Variants in NEBL observed in about 807,000 individuals in gnomAD.
The protein encoded by NEBL is nebulette.
Under a neutral mutation model 140.2 loss-of-function variants are expected in NEBL, and 122 were observed. The observed-to-expected ratio is 0.87, with a 90% CI of 0.75 to 1.01. The LOEUF is 1.01. Ranked by LOEUF, NEBL falls within the 50% of genes least tolerant of loss-of-function variation. The pLI is 0.00. For synonymous variants in NEBL, 436 were observed against 398.9 expected (o/e 1.09, Z -1.11); for missense variants, 1,365 against 1,231.3 (o/e 1.11, Z -1.62).
Position 20,785,419 on chromosome 10 carries a change from C to A in NEBL, c.*328G>T, listed in dbSNP as rs1183925127. 5.8e-6 allele frequency: 2 copies of A among 345,198 alleles called. No individual in the cohort carries two copies. Among genetic ancestry groups the A allele is most frequent in the Non-Finnish European group, 5.5e-6 (1 of 181,636 alleles). The allele number at this position is 345,198 out of a possible 1,614,324, so 21.4% of individuals were successfully genotyped here. A position where few individuals can be genotyped will look rare whatever the true frequency, so the allele number is the denominator to read the frequency against. Reference sequence around the variant, plus strand: ...GCTAAGAAGTTTCAAACACACACTACATTTAAGGGACAATCAACTTCTCTA... The same window carrying A: ...GCTAAGAAGTTTCAAACACACACTAAATTTAAGGGACAATCAACTTCTCTA... On this transcript the variant is annotated 3_prime_UTR_variant, in exon 28 of 28. Transcript: ENST00000377122.
At chr10:21,291,863 G>T (rs529213729) in intron 1 of NEBL, among the ~76,000 whole-genome samples, 1 of 150,760 alleles carries the variant, frequency 6.6e-6, no homozygotes, top group Non-Finnish European at 1.5e-5. Context: ...CTGAGATCAC[G>T]CCACTGCACT....
At chr10:21,083,988 CCTGA>C (rs1589218473) in intron 2 of NEBL, among the ~76,000 whole-genome samples, 1 of 152,200 alleles carries the variant, frequency 6.6e-6, no homozygotes, top group Non-Finnish European at 1.5e-5. Flanking sequence ...CCCAGAGAGT[CCTGA>C]CTAATACAAT....
At chr10:21,031,236 C>A (rs186698118) in intron 2 of NEBL, among the ~76,000 whole-genome samples, 1 of 152,126 alleles carries the variant, frequency 6.6e-6, no homozygotes, top group African/African-American at 2.4e-5. Context: ...TGATGATGAA[C>A]CCTATGGGGG....
intron 2 of NEBL, chr10:21,029,207 AT>A: frequency 6.9e-7 from 1 of 1,442,864 alleles, no homozygotes; most frequent in East Asian, 2.3e-5. Context: ...CCAATTGACC[AT>A]TCCATCCTTC....
At chr10:21,227,731 T>TCTTCTTC (rs1842184821) in intron 3 of NEBL, among the ~76,000 whole-genome samples, 5 of 137,364 alleles carry the variant, frequency 3.6e-5, no homozygotes, top group African/African-American at 1.5e-4. Flanking sequence ...TTCTTCTTCT[T>TCTTCTTC]CTTCTTCTTC....
chr10:21,061,240 TATATTACATATTATGTGATATGTAAC>T (rs1280407903), intron 2 of NEBL, among the ~76,000 whole-genome samples: 995 of 72,706 alleles, frequency 0.014, 12 homozygotes, highest in African/African-American at 0.049. Flanking sequence ...TATATTGTGA[TATATTACATATTATGTGATATGTAAC>T]ATATTACATA....
intron 22 of NEBL, among the ~76,000 whole-genome samples, 164 bp from the exon 23 acceptor site, chr10:20,814,207 A>G (rs1471602014): frequency 6.6e-6 from 1 of 152,180 alleles, no homozygotes; most frequent in Admixed American, 6.5e-5. Flanking sequence ...CTAAAATTTT[A>G]CAATCAAAGA....
At chr10:21,051,226 G>A (rs183445910) in intron 2 of NEBL, among the ~76,000 whole-genome samples, 27 of 152,202 alleles carry the variant, frequency 1.8e-4, no homozygotes, top group African/African-American at 4.6e-4. Flanking sequence ...ATTTATATTC[G>A]GAGATCACAT....
At chr10:21,187,452 T>A (rs917543832) in intron 3 of NEBL, among the ~76,000 whole-genome samples, 1 of 152,000 alleles carries the variant, frequency 6.6e-6, no homozygotes, top group African/African-American at 2.4e-5. Flanking sequence ...TAATTTCTTT[T>A]GAGGGCAAAT....
At chr10:21,150,913 A>C (rs1415520788) in intron 2 of NEBL, among the ~76,000 whole-genome samples, 1 of 152,178 alleles carries the variant, frequency 6.6e-6, no homozygotes, top group Non-Finnish European at 1.5e-5. Flanking sequence ...ACTCATTCAC[A>C]CCAAGGTGGT....
At chr10:20,971,400 T>C (rs1048134387) in intron 3 of NEBL, among the ~76,000 whole-genome samples, 8 of 152,176 alleles carry the variant, frequency 5.3e-5, no homozygotes, top group Non-Finnish European at 1.0e-4. Context: ...GATTATAATT[T>C]TTAAATATAA....
chr10:20,868,099 G>A (rs1475354), intron 7 of NEBL: 22,096 of 146,808 alleles, frequency 0.15, 2,111 homozygotes, highest in Non-Finnish European at 0.21. Flanking sequence ...GTTGCATGAC[G>A]TTTATATAAT....
At chr10:21,215,628 AT>A (rs1841980656) in intron 3 of NEBL, among the ~76,000 whole-genome samples, 1 of 152,058 alleles carries the variant, frequency 6.6e-6, no homozygotes, top group Non-Finnish European at 1.5e-5. Flanking sequence ...CTACCATAAT[AT>A]TTTCCACAGA....
intron 3 of NEBL, among the ~76,000 whole-genome samples, chr10:20,975,165 T>C (rs1313579341): frequency 6.6e-6 from 1 of 152,206 alleles, no homozygotes; most frequent in Non-Finnish European, 1.5e-5. Flanking sequence ...CTCAAGAGCC[T>C]ATCATATTGT....
intron 2 of NEBL, among the ~76,000 whole-genome samples, chr10:21,023,987 T>G (rs1838914785): frequency 6.6e-6 from 1 of 151,632 alleles, no homozygotes; most frequent in East Asian, 1.9e-4. Flanking sequence ...ACTTATAAAA[T>G]ATATGCATAT....
At chr10:21,193,175 G>A (rs1369141059) in intron 3 of NEBL, among the ~76,000 whole-genome samples, 1 of 152,166 alleles carries the variant, frequency 6.6e-6, no homozygotes, top group African/African-American at 2.4e-5. Flanking sequence ...CTGACAGGGA[G>A]GAAGAATGGG....
At chr10:20,963,003 AACACACACAC>A (rs35031266) in intron 3 of NEBL, among the ~76,000 whole-genome samples, 5,777 of 143,300 alleles carry the variant, frequency 0.04, 149 homozygotes, top group Non-Finnish European at 0.061. Flanking sequence ...TTGAAAGAAA[AACACACACAC>A]ACACACACAC....
chr10:21,053,171 A>G (rs912524498), intron 2 of NEBL, among the ~76,000 whole-genome samples: 1 of 152,214 alleles, frequency 6.6e-6, no homozygotes, highest in Non-Finnish European at 1.5e-5. Flanking sequence ...TAAAACTTTA[A>G]AATAAAAAAA....
chr10:21,180,518 C>G (rs1841370162), intron 3 of NEBL, among the ~76,000 whole-genome samples: 2 of 152,152 alleles, frequency 1.3e-5, no homozygotes, highest in South Asian at 4.1e-4. Context: ...CCTCACTTCT[C>G]CATTTAATTT....
Sources: allele counts gnomAD v4.1 joint callset (sites outside exome capture counted in the v4.1 genomes callset), GRCh38; gene constraint gnomAD v4.1.1; transcripts MANE v1.5; gene names NCBI Gene and HGNC (gene_info 2026-07-23, HGNC 2026-07-21).